The following KIFAP3 variants were observed in gnomAD, a reference collection of about 807,000 sequenced individuals.
KIFAP3 encodes the protein kinesin associated protein 3.
A neutral mutation model predicts 106.5 loss-of-function variants in KIFAP3; 68 were observed. That is an observed-to-expected ratio of 0.64 (90% CI 0.53 to 0.78). The LOEUF (loss-of-function observed/expected upper bound fraction) is 0.78. Ranked by LOEUF, KIFAP3 falls within the 30% of genes least tolerant of loss-of-function variation. The pLI is 0.00. For missense variants in KIFAP3, 780 were observed against 941.8 expected (o/e 0.83, Z 2.25); for synonymous variants, 320 against 311.5 (o/e 1.03, Z -0.29).
At position 169,972,495 on chromosome 1, in the gene KIFAP3, G is replaced by GA. The variant is rs773878249; in HGVS notation, c.1983+17dup. The GA allele has an allele frequency of 5.0e-6, 6 of 1,203,958 alleles. No homozygotes were observed. The highest frequency in any genetic ancestry group is 2.4e-5 in the East Asian group (1 of 42,160). The allele number at this position is 1,203,958 out of a possible 1,614,324, so 74.6% of individuals were successfully genotyped here. A position where few individuals can be genotyped will look rare whatever the true frequency, so the allele number is the denominator to read the frequency against. On this transcript the variant is annotated intron_variant, in intron 17 of 19. Coordinates refer to ENST00000361580, the MANE Select transcript of KIFAP3 (RefSeq NM_014970.4). Reference sequence around the variant, plus strand: ...GATGAAGTCAATTATACTTTGTGTAGAAAAAATAATTACTTACCGCTATAA... The same window carrying GA: ...GATGAAGTCAATTATACTTTGTGTAGAAAAAAATAATTACTTACCGCTATAA...
At position 170,016,505 on chromosome 1, in the gene KIFAP3, C is replaced by T. The variant is rs1019662738; in HGVS notation, c.1140G>A (p.Lys380=). 3 of 1,609,164 alleles carry T rather than the reference C, an allele frequency of 1.9e-6. No individual in the cohort carries two copies. The African/African-American group carries it at 4.0e-5, about 22-fold the overall frequency. Residue 380 remains lysine, a synonymous_variant, in exon 10 of 20, where the codon AAG becomes AAA. Transcript: ENST00000361580. ...TGGGAAGCAGTCCAACTTGTACCATCTTATTCCTCAGTCCTGTGTCAAAGG... is the reference window on the plus strand; with the variant it reads ...TGGGAAGCAGTCCAACTTGTACCATTTTATTCCTCAGTCCTGTGTCAAAGG... ...NLSFDTGLRN[K]MVQVGLLPKL... is the part of the protein sequence containing the mutation.
At chr1:170,067,930 T>C (rs1179935548) in intron 1 of KIFAP3, 1 of 152,092 alleles carries the variant, frequency 6.6e-6, no homozygotes, top group Non-Finnish European at 1.5e-5. Flanking sequence ...GCAGAATACA[T>C]ACCCAGAAAA....
chr1:169,939,438 G>T (rs1034030541), intron 19 of KIFAP3, among the ~76,000 whole-genome samples: 15 of 152,194 alleles, frequency 9.9e-5, no homozygotes, highest in African/African-American at 2.9e-4. Context: ...TTATATGTGA[G>T]AAATCAAAAG....
At chr1:169,941,310 T>C (rs1362713038) in intron 19 of KIFAP3, among the ~76,000 whole-genome samples, 2 of 152,160 alleles carry the variant, frequency 1.3e-5, no homozygotes, top group Non-Finnish European at 2.9e-5. Flanking sequence ...CTTACCCTCC[T>C]CTTGTATTGG....
At chr1:169,930,153 A>G (rs772497039) in intron 19 of KIFAP3, among the ~76,000 whole-genome samples, 8 of 152,144 alleles carry the variant, frequency 5.3e-5, no homozygotes, top group Non-Finnish European at 1.0e-4. Context: ...TTTTGATACT[A>G]TATCATTGCA....
chr1:169,936,970 T>TAC (rs1377959347), intron 19 of KIFAP3, among the ~76,000 whole-genome samples: 1 of 148,616 alleles, frequency 6.7e-6, no homozygotes, highest in Non-Finnish European at 1.5e-5. Context: ...ATTATATATA[T>TAC]ATATATTACT....
At chr1:170,039,116 T>G in intron 4 of KIFAP3, 117 bp downstream of exon 4, 1 of 512,872 alleles carries the variant, frequency 1.9e-6, no homozygotes, top group South Asian at 4.3e-5. Context: ...TACCTCTGAG[T>G]TCAGTCATTT....
At chr1:170,055,753 CAAGT>C (rs1332702129) in intron 1 of KIFAP3, among the ~76,000 whole-genome samples, 1 of 152,006 alleles carries the variant, frequency 6.6e-6, no homozygotes, top group African/African-American at 2.4e-5. Flanking sequence ...GAAACATAAA[CAAGT>C]AAGACAGCTT....
intron 18 of KIFAP3, among the ~76,000 whole-genome samples, chr1:169,954,511 G>A (rs1664903952): frequency 1.3e-5 from 2 of 152,098 alleles, no homozygotes; most frequent in African/African-American, 4.8e-5. Flanking sequence ...TAAATAGTTT[G>A]GTATTGGTAA....
intron 9 of KIFAP3, 140 bp downstream of exon 9, chr1:170,024,278 A>G (rs1669002373): frequency 9.8e-6 from 5 of 512,330 alleles, no homozygotes; most frequent in Admixed American, 3.8e-5. Context: ...TAATGAAGCA[A>G]TATCAGTGAG....
chr1:169,999,823 C>T (rs1249227022), intron 10 of KIFAP3, among the ~76,000 whole-genome samples: 1 of 152,074 alleles, frequency 6.6e-6, no homozygotes, highest in Non-Finnish European at 1.5e-5. Context: ...GTCATTAACT[C>T]CAGTAACTGA....
At chr1:170,005,044 A>G (rs1455038499) in intron 10 of KIFAP3, among the ~76,000 whole-genome samples, 4 of 151,530 alleles carry the variant, frequency 2.6e-5, no homozygotes, top group Admixed American at 1.3e-4. Context: ...AAAAGTGGGC[A>G]AAGGATATGA....
chr1:170,048,468 T>A (rs1670386060), intron 2 of KIFAP3, among the ~76,000 whole-genome samples: 1 of 152,090 alleles, frequency 6.6e-6, no homozygotes, highest in African/African-American at 2.4e-5. Flanking sequence ...AAAACTGCTA[T>A]AAACATTCAA....
In KIFAP3 at chr1:170,038,282, G is replaced by A; in HGVS notation, c.517+8C>T. On this transcript the variant is annotated splice_region_variant and intron_variant, in intron 5 of 19. Transcript: ENST00000361580. Reference sequence around the variant, plus strand: ...CTATTATAATTAAACATGTTTTATAGTAATCACCATTCAATAGTAGTTCTT... The same window carrying A: ...CTATTATAATTAAACATGTTTTATAATAATCACCATTCAATAGTAGTTCTT... 6.3e-7 allele frequency: 1 copy of A among 1,576,624 alleles called. No homozygotes were observed. Among genetic ancestry groups the A allele is most frequent in the Non-Finnish European group, 8.6e-7 (1 of 1,167,918 alleles).
chr1:170,084,278 T>C (rs1262279340), intron 1 of KIFAP3, among the ~76,000 whole-genome samples: 1 of 152,216 alleles, frequency 6.6e-6, no homozygotes, highest in Non-Finnish European at 1.5e-5. Flanking sequence ...CTACTGCATA[T>C]ACTGTACTTT....
intron 19 of KIFAP3, among the ~76,000 whole-genome samples, chr1:169,949,020 T>TA (rs749949672): frequency 3.9e-4 from 59 of 151,970 alleles, no homozygotes; most frequent in Non-Finnish European, 1.3e-4. Context: ...ATTCTAGAAT[T>TA]AAAAAATCAT....
intron 3 of KIFAP3, among the ~76,000 whole-genome samples, chr1:170,043,935 A>G (rs1198815500): frequency 6.6e-6 from 1 of 152,180 alleles, no homozygotes; most frequent in African/African-American, 2.4e-5. Flanking sequence ...AAAAATCAGA[A>G]GACAAAGATC....
At chr1:170,003,419 G>C (rs1048765234) in intron 10 of KIFAP3, among the ~76,000 whole-genome samples, 13 of 152,176 alleles carry the variant, frequency 8.5e-5, no homozygotes, top group African/African-American at 2.7e-4. Flanking sequence ...CCTCCCGGCC[G>C]TGTGAGGTGT....
At chr1:170,069,488 T>C (rs1248091041) in intron 1 of KIFAP3, among the ~76,000 whole-genome samples, 2 of 151,994 alleles carry the variant, frequency 1.3e-5, no homozygotes, top group Non-Finnish European at 2.9e-5. Flanking sequence ...CAGGAGTATA[T>C]TAAAAGGACC....
Sources: allele counts gnomAD v4.1 joint callset (sites outside exome capture counted in the v4.1 genomes callset), GRCh38; gene constraint gnomAD v4.1.1; transcripts MANE v1.5; gene names NCBI Gene and HGNC (gene_info 2026-07-23, HGNC 2026-07-21).